The following OSBPL1A variants were observed in gnomAD, a reference collection of about 807,000 sequenced individuals.
OSBPL1A encodes oxysterol binding protein like 1A.
In OSBPL1A, 80 loss-of-function variants were observed where a neutral mutation model predicts 137.1. The observed-to-expected ratio is 0.58, with a 90% CI of 0.49 to 0.70. The LOEUF is 0.70. Ranked by LOEUF, OSBPL1A falls within the 30% of genes least tolerant of loss-of-function variation. The pLI is 0.00. For missense variants in OSBPL1A, 970 were observed against 1,129.4 expected (o/e 0.86, Z 2.02); for synonymous variants, 365 against 389.7 (o/e 0.94, Z 0.75).
At chr18:24,213,005 T>C (rs1567949497) in intron 17 of OSBPL1A, among the ~76,000 whole-genome samples, 1 of 152,188 alleles carries the variant, frequency 6.6e-6, no homozygotes, top group Non-Finnish European at 1.5e-5. Context: ...ACAAATACAG[T>C]CATCACAAAG....
At chr18:24,255,553 T>C (rs567310922) in intron 15 of OSBPL1A, among the ~76,000 whole-genome samples, 26 of 152,212 alleles carry the variant, frequency 1.7e-4, no homozygotes, top group East Asian at 9.7e-4. Flanking sequence ...TTGTCTCTTA[T>C]CTACCTATGA....
At chr18:24,291,141 C>G (rs1317537977) in intron 14 of OSBPL1A, among the ~76,000 whole-genome samples, 1 of 152,138 alleles carries the variant, frequency 6.6e-6, no homozygotes, top group Non-Finnish European at 1.5e-5. Context: ...CATAAAGTTA[C>G]AATCCATTGT....
At chr18:24,179,199 T>C (rs1389315605) in intron 20 of OSBPL1A, 2 of 154,148 alleles carry the variant, frequency 1.3e-5, no homozygotes, top group African/African-American at 4.8e-5. Context: ...CTGGCCAGCA[T>C]AGTGCACTAC....
intron 24 of OSBPL1A, among the ~76,000 whole-genome samples, chr18:24,168,548 G>A (rs1303947993): frequency 1.3e-5 from 2 of 152,208 alleles, no homozygotes; most frequent in African/African-American, 4.8e-5. Flanking sequence ...ATCCCTCGAG[G>A]AGAGGTCACG....
At chr18:24,268,390 G>A (rs569915166) in intron 15 of OSBPL1A, among the ~76,000 whole-genome samples, 3 of 152,176 alleles carry the variant, frequency 2.0e-5, no homozygotes, top group South Asian at 2.1e-4. Flanking sequence ...AAAATGCTGC[G>A]ATTACAGGTG....
chr18:24,163,353 G>T, intron 27 of OSBPL1A, 72 bp from the exon 28 acceptor site: 1 of 1,121,712 alleles, frequency 8.9e-7, no homozygotes, highest in South Asian at 1.3e-5. Context: ...TCACTAGTTT[G>T]CAGTATTATT....
At chr18:24,388,864 C>A (rs1266822841) in intron 1 of OSBPL1A, among the ~76,000 whole-genome samples, 1 of 151,772 alleles carries the variant, frequency 6.6e-6, no homozygotes, top group Non-Finnish European at 1.5e-5. Context: ...AAACACCCCC[C>A]CACAGATTGA....
At chr18:24,211,378 A>G (rs1276937810) in intron 17 of OSBPL1A, among the ~76,000 whole-genome samples, 1 of 152,232 alleles carries the variant, frequency 6.6e-6, no homozygotes, top group African/African-American at 2.4e-5. Context: ...TTAAGAAAGG[A>G]TAACTGGATT....
chr18:24,286,101 G>A (rs921693331), intron 14 of OSBPL1A, among the ~76,000 whole-genome samples: 1 of 152,166 alleles, frequency 6.6e-6, no homozygotes, highest in African/African-American at 2.4e-5. Context: ...AGGCTGCAGT[G>A]AGCCAAGATC....
intron 27 of OSBPL1A, among the ~76,000 whole-genome samples, chr18:24,163,639 T>C (rs1419054309): frequency 6.6e-6 from 1 of 152,116 alleles, no homozygotes; most frequent in African/African-American, 2.4e-5. Flanking sequence ...TTTTAAGTAG[T>C]TGGGAATAAA....
chr18:24,256,074 C>A (rs760995929), intron 15 of OSBPL1A, among the ~76,000 whole-genome samples: 1 of 152,142 alleles, frequency 6.6e-6, no homozygotes, highest in East Asian at 1.9e-4. Flanking sequence ...AGATTACAGG[C>A]GTGAGCTACC....
intron 14 of OSBPL1A, among the ~76,000 whole-genome samples, chr18:24,285,061 A>G (rs1047432265): frequency 1.3e-5 from 2 of 152,168 alleles, no homozygotes; most frequent in Non-Finnish European, 2.9e-5. Flanking sequence ...CCCTGTCTCT[A>G]AAAACAACAA....
At chr18:24,240,498 G>A (rs150603239) in intron 15 of OSBPL1A, among the ~76,000 whole-genome samples, 23 of 152,206 alleles carry the variant, frequency 1.5e-4, no homozygotes, top group Admixed American at 3.9e-4. Flanking sequence ...TCAGTAGTCC[G>A]GAAATCACTA....
intron 16 of OSBPL1A, 130 bp from the exon 17 acceptor site, chr18:24,225,328 G>GT: frequency 1.2e-6 from 1 of 841,566 alleles, no homozygotes; most frequent in Non-Finnish European, 1.8e-6. Flanking sequence ...CAATCCATCT[G>GT]TTAACTACCT....
At chr18:24,165,738 G>A (rs1419948899) in intron 26 of OSBPL1A, among the ~76,000 whole-genome samples, 2 of 152,152 alleles carry the variant, frequency 1.3e-5, no homozygotes, top group Non-Finnish European at 2.9e-5. Flanking sequence ...TTTGCTACAT[G>A]TCTCCTTGGG....
intron 24 of OSBPL1A, among the ~76,000 whole-genome samples, chr18:24,167,790 T>C (rs1304678942): frequency 1.3e-5 from 2 of 152,262 alleles, no homozygotes; most frequent in African/African-American, 4.8e-5. Context: ...AACATATCCC[T>C]GTCCTTAGGA....
At chr18:24,320,055 C>T (rs1248796609) in intron 7 of OSBPL1A, among the ~76,000 whole-genome samples, 1 of 151,636 alleles carries the variant, frequency 6.6e-6, no homozygotes, top group Non-Finnish European at 1.5e-5. Context: ...CACTGCACTC[C>T]AGACTGGGTG....
At chr18:24,287,054 C>A (rs1462689967) in intron 14 of OSBPL1A, among the ~76,000 whole-genome samples, 1 of 152,102 alleles carries the variant, frequency 6.6e-6, no homozygotes, top group African/African-American at 2.4e-5. Flanking sequence ...GAAAAGAGTA[C>A]AAGTCACAAA....
chr18:24,226,887 A>ATT (rs5823416), intron 16 of OSBPL1A, among the ~76,000 whole-genome samples: 1,035 of 100,840 alleles, frequency 0.01, 41 homozygotes, highest in East Asian at 0.077. Context: ...AAAGAAACAG[A>ATT]TTTTTTTTTT....
Sources: allele counts gnomAD v4.1 joint callset (sites outside exome capture counted in the v4.1 genomes callset), GRCh38; gene constraint gnomAD v4.1.1; transcripts MANE v1.5; gene names NCBI Gene and HGNC (gene_info 2026-07-23, HGNC 2026-07-21).